VSIG10: variants seen among roughly 807,000 people sequenced by gnomAD.
VSIG10 encodes V-set and immunoglobulin domain containing 10, also known as V-set and immunoglobulin domain-containing protein 10.
In VSIG10, 48 loss-of-function variants were observed where a neutral mutation model predicts 58.7. That is an observed-to-expected ratio of 0.82 (90% confidence interval 0.65 to 1.04). VSIG10 has a LOEUF of 1.04. Among genes scored for constraint, VSIG10 ranks in the 50% least tolerant of loss-of-function variants. VSIG10 has a pLI of 0.00. For synonymous variants in VSIG10, 260 were observed against 267.1 expected (o/e 0.97, Z 0.26); for missense variants, 628 against 670.0 (o/e 0.94, Z 0.69).
At chr12:118,088,016 C>T (rs574330161) in intron 2 of VSIG10, among the ~76,000 whole-genome samples, 174 of 151,832 alleles carry the variant, frequency 1.1e-3, no homozygotes, top group Non-Finnish European at 2.2e-3. Context: ...GAGGCCGAGG[C>T]GGGTGGATCA....
At chr12:118,071,807 G>C (rs2032506121) in intron 5 of VSIG10, among the ~76,000 whole-genome samples, 1 of 152,236 alleles carries the variant, frequency 6.6e-6, no homozygotes, top group Non-Finnish European at 1.5e-5. Flanking sequence ...AGAGAGTCCA[G>C]GAACGGGTCC....
intron 5 of VSIG10, among the ~76,000 whole-genome samples, chr12:118,071,696 C>G (rs189090370): frequency 1.3e-4 from 20 of 152,354 alleles, no homozygotes; most frequent in Non-Finnish European, 1.9e-4. Context: ...GTTAAAATCT[C>G]TCTGTCTACC....
intron 1 of VSIG10, among the ~76,000 whole-genome samples, chr12:118,100,159 C>A (rs1350689470): frequency 1.3e-5 from 2 of 151,866 alleles, no homozygotes; most frequent in Non-Finnish European, 2.9e-5. Flanking sequence ...CACTTGAGGT[C>A]AGGAGTTGGA....
intron 1 of VSIG10, among the ~76,000 whole-genome samples, chr12:118,100,970 T>C (rs1412933496): frequency 6.6e-6 from 1 of 152,258 alleles, no homozygotes; most frequent in Non-Finnish European, 1.5e-5. Context: ...CCTAACTCCT[T>C]GGCAAAGAAA....
At chr12:118,089,878 C>G (rs1164863842) in intron 2 of VSIG10, among the ~76,000 whole-genome samples, 1 of 152,170 alleles carries the variant, frequency 6.6e-6, no homozygotes, top group Admixed American at 6.6e-5. Flanking sequence ...TGGTCACCGA[C>G]TCTGTATACC....
intron 4 of VSIG10, among the ~76,000 whole-genome samples, chr12:118,076,156 C>T (rs1027443909): frequency 6.6e-6 from 1 of 152,154 alleles, no homozygotes; most frequent in African/African-American, 2.4e-5. Flanking sequence ...GCTTAAAGCA[C>T]ATTTATTCTC....
At position 118,065,416 on chromosome 12, in the gene VSIG10, T is replaced by G. The variant is rs2032213406; in HGVS notation, c.*1223A>C. 1 of 152,258 alleles carries G rather than the reference T, an allele frequency of 6.6e-6. No homozygotes were observed. Among genetic ancestry groups the G allele is most frequent in the South Asian group, 2.1e-4 (1 of 4,832 alleles). The allele number at this position is 152,258 out of a possible 1,614,324, so 9.4% of individuals were successfully genotyped here. On this transcript the variant is annotated 3_prime_UTR_variant, in exon 9 of 9. Transcript: ENST00000359236. ...AGTTATAATGAAAGGCACTTCCTAT[T>G]ACCAGCTCCCTAACTCTTTTTAAAA...
Position 118,063,969 on chromosome 12 carries a change from G to GA in VSIG10, c.*2669dup, listed in dbSNP as rs1263270186. ...CTCCACCAGGGTTTGAGAAAAACAA[G>GA]AAAAAAGTCAGTTGCAATGGACCTG... On this transcript the variant is annotated 3_prime_UTR_variant, in exon 9 of 9. Coordinates refer to ENST00000359236, the MANE Select transcript of VSIG10 (RefSeq NM_019086.6). 6.6e-6 allele frequency: 1 copy of GA among 152,148 alleles called. No homozygotes were observed. Among genetic ancestry groups the GA allele is most frequent in the Admixed American group, 6.5e-5 (1 of 15,282 alleles). The allele number at this position is 152,148 out of a possible 1,614,324, so 9.4% of individuals were successfully genotyped here. A position where few individuals can be genotyped will look rare whatever the true frequency, so the allele number is the denominator to read the frequency against.
chr12:118,071,677 C>A (rs1375027509), intron 5 of VSIG10, among the ~76,000 whole-genome samples: 1 of 152,178 alleles, frequency 6.6e-6, no homozygotes, highest in Non-Finnish European at 1.5e-5. Context: ...TGTGAACAAA[C>A]AATGGAAAGT....
intron 4 of VSIG10, among the ~76,000 whole-genome samples, chr12:118,079,101 T>G (rs542256907): frequency 6.6e-6 from 1 of 152,192 alleles, no homozygotes; most frequent in East Asian, 1.9e-4. Flanking sequence ...ACCTGGCACA[T>G]AGCAGGGGTT....
chr12:118,071,220 T>C (rs1455421279), intron 6 of VSIG10, 139 bp downstream of exon 6: 1 of 1,189,724 alleles, frequency 8.4e-7, no homozygotes, highest in Admixed American at 2.0e-5. Flanking sequence ...CTTAGGTGAC[T>C]TATTACTGTG....
In VSIG10 at chr12:118,068,595, C is replaced by G. The variant is rs1311650922; in HGVS notation, c.1349G>C (p.Gly450Ala). 6.5e-7 allele frequency: 1 copy of G among 1,542,010 alleles called. No individual in the cohort carries two copies. The highest frequency in any genetic ancestry group is 1.2e-5 in the South Asian group (1 of 82,846). Residue 450 changes from glycine to alanine, a missense_variant and splice_region_variant, in exon 8 of 9, where the codon GGA becomes GCA. Transcript: ENST00000359236. ...AACCATGACATCATCCATGTTTTGT[C>G]CCCTAATTTCCAAAGGGGAAAAATA... ...FCWKVGNTSR[G>A]QNMDDVMVLV...
intron 3 of VSIG10, among the ~76,000 whole-genome samples, chr12:118,079,894 T>C (rs1425056287): frequency 6.6e-6 from 1 of 152,198 alleles, no homozygotes; most frequent in African/African-American, 2.4e-5. Context: ...AGGGCAGTGG[T>C]GCAATCTCGG....
rs147937423 is a variant in VSIG10, at chr12:118,075,505, G to A, written c.926-1513C>T. 9.0e-3 allele frequency among the ~76,000 whole-genome samples: 1,365 copies of A among 152,154 alleles called. 12 individuals are homozygous for A. Among genetic ancestry groups the A allele is most frequent in the Non-Finnish European group, 0.015 (1,003 of 67,996 alleles). ...CAAGTAGCTGGGATTACAGGTGCCT[G>A]CCACCATGCCTGGCTAATTTTTGTA... is the stretch of plus-strand genomic sequence containing the variant. On this transcript the variant is annotated intron_variant, in intron 4 of 8. Coordinates refer to ENST00000359236, the MANE Select transcript of VSIG10 (RefSeq NM_019086.6).
chr12:118,068,148 A>G (rs939610635), intron 8 of VSIG10, among the ~76,000 whole-genome samples: 2 of 145,106 alleles, frequency 1.4e-5, no homozygotes, highest in Non-Finnish European at 3.0e-5. Flanking sequence ...CAGCCTCCCA[A>G]GTAGCTGGGA....
chr12:118,103,706 C>G lies in VSIG10; in HGVS notation c.-35G>C, dbSNP rs1349333357. 6.8e-7 allele frequency: 1 copy of G among 1,460,328 alleles called. No homozygotes were observed. Among genetic ancestry groups the G allele is most frequent in the Non-Finnish European group, 9.0e-7 (1 of 1,111,194 alleles). 90.5% of individuals were successfully genotyped at this position (1,460,328 alleles called of 1,614,324 possible). A position where few individuals can be genotyped will look rare whatever the true frequency, so the allele number is the denominator to read the frequency against. ...GATCCCGGCTCAGGAAACGCAGGCT[C>G]GGGCTGGGCTGGACGTGTGTGCCCC... On this transcript the variant is annotated 5_prime_UTR_variant, in exon 1 of 9. Coordinates refer to ENST00000359236, the MANE Select transcript of VSIG10 (RefSeq NM_019086.6).
Position 118,082,153 on chromosome 12 carries a change from T to G in VSIG10, c.638A>C (p.Lys213Thr). The G allele has an allele frequency of 6.2e-7, 1 of 1,613,732 alleles. No individual in the cohort carries two copies. The highest frequency in any genetic ancestry group is 1.7e-5 in the Admixed American group (1 of 59,976). ...ALNQLSKRHR[K>T]VTTELLVYYP... ...GTAGACCAGGAGCTCGGTGGTCACC[T>G]TTCGATGTCTCTTGCTGAGCTGATT... is the stretch of plus-strand genomic sequence containing the variant. Residue 213 changes from lysine (K) to threonine (T), a missense_variant, in exon 3 of 9, where the codon AAG becomes ACG. By Grantham distance (78) the Lys-to-Thr change is moderately conservative. Coordinates refer to ENST00000359236, the MANE Select transcript of VSIG10 (RefSeq NM_019086.6).
Position 118,069,177 on chromosome 12 carries a change from C to T in VSIG10, c.1347-580G>A, listed in dbSNP as rs189934157. Among the ~76,000 whole-genome samples the T allele has an allele frequency of 3.5e-3, 528 of 152,202 alleles. 2 individuals are homozygous for T. Among genetic ancestry groups the T allele is most frequent in the African/African-American group, 0.011 (457 of 41,526 alleles). On this transcript the variant is annotated intron_variant, in intron 7 of 8. Coordinates refer to ENST00000359236, the MANE Select transcript of VSIG10 (RefSeq NM_019086.6). ...CAATCTTGGCTCACTGCAACCTCCACCTCCTGGGTGCAAGCAATTCTCCTG... is the reference window on the plus strand; with the variant it reads ...CAATCTTGGCTCACTGCAACCTCCATCTCCTGGGTGCAAGCAATTCTCCTG...
chr12:118,096,556 C>T (rs1160197208), intron 1 of VSIG10, among the ~76,000 whole-genome samples: 2 of 136,442 alleles, frequency 1.5e-5, no homozygotes, highest in Non-Finnish European at 3.1e-5. Flanking sequence ...CCAGCCTGGG[C>T]AACAAGAGCG....
Sources: gnomAD v4.1 joint callset for allele counts (sites outside exome capture counted in the v4.1 genomes callset) on GRCh38, gnomAD v4.1.1 for gene constraint, MANE v1.5 for transcripts, NCBI Gene and HGNC (gene_info 2026-07-23, HGNC 2026-07-21) for gene names.